Variants in PPM1B observed in about 807,000 individuals in gnomAD.
PPM1B encodes protein phosphatase, Mg2+/Mn2+ dependent 1B.
A neutral mutation model predicts 43.0 loss-of-function variants in PPM1B; 22 were observed. That is an observed-to-expected ratio of 0.51 (90% CI 0.37 to 0.73). The LOEUF is 0.73. Ranked by LOEUF, PPM1B falls within the 30% of genes least tolerant of loss-of-function variation. The pLI is 0.00. For missense variants in PPM1B, 632 were observed against 584.2 expected, an observed-to-expected ratio of 1.08 and a Z score of -0.84; for synonymous variants, 217 against 197.9, an observed-to-expected ratio of 1.10 and a Z score of -0.81.
chr2:44,241,581 A>C (rs1256527789), intron 5 of PPM1B, among the ~76,000 whole-genome samples: 1 of 141,324 alleles, frequency 7.1e-6, no homozygotes, highest in African/African-American at 2.5e-5. Flanking sequence ...AAAATACAAA[A>C]ATTAGCCAGG....
downstream of PPM1B, among the ~76,000 whole-genome samples, chr2:44,244,836 T>TAC (rs1670826749): frequency 6.8e-6 from 1 of 147,428 alleles, no homozygotes; most frequent in African/African-American, 2.5e-5. Context: ...TATATATATA[T>TAC]ATACACACAC....
intron 5 of PPM1B, among the ~76,000 whole-genome samples, chr2:44,222,625 C>G (rs1252670677): frequency 2.0e-5 from 3 of 152,104 alleles, no homozygotes; most frequent in African/African-American, 7.2e-5. Context: ...ATGAGACTTA[C>G]AGAGATGAGG....
At chr2:44,182,725 G>C (rs539809110) in intron 1 of PPM1B, among the ~76,000 whole-genome samples, 1 of 152,030 alleles carries the variant, frequency 6.6e-6, no homozygotes, top group South Asian at 2.1e-4. Flanking sequence ...TGCTTTCTTT[G>C]ACTCTAGGGG....
At position 44,200,994 on chromosome 2, in the gene PPM1B, C is replaced by T. The variant is rs563917571; in HGVS notation, c.-14-192C>T. Among the ~76,000 whole-genome samples, 10 of 152,216 alleles carry T rather than the reference C, an allele frequency of 6.6e-5. No individual in the cohort carries two copies. The East Asian group carries it at 1.2e-3, about 18-fold the overall frequency. ...TTTAATTGGTCTGATTATTCTTACG[C>T]GCTAGGGCTGAGAAACCACTGTTCT... On this transcript the variant is annotated intron_variant, in intron 1 of 5. Coordinates refer to ENST00000282412, the MANE Select transcript of PPM1B (RefSeq NM_002706.6).
chr2:44,195,014 C>T (rs1268315379), intron 1 of PPM1B, among the ~76,000 whole-genome samples: 1 of 151,258 alleles, frequency 6.6e-6, no homozygotes, highest in Non-Finnish European at 1.5e-5. Context: ...GCTTCAGCCT[C>T]CTAAGTAGCT....
intron 1 of PPM1B, among the ~76,000 whole-genome samples, chr2:44,174,317 TA>T (rs1667482018): frequency 6.6e-6 from 1 of 152,220 alleles, no homozygotes; most frequent in Admixed American, 6.5e-5. Flanking sequence ...ATCTCATACT[TA>T]GAGGAGACAG....
chr2:44,191,029 C>G (rs1018996692), intron 1 of PPM1B, among the ~76,000 whole-genome samples: 1 of 152,148 alleles, frequency 6.6e-6, no homozygotes, highest in Non-Finnish European at 1.5e-5. Context: ...CTGTTTGCTT[C>G]AAATTGATCT....
chr2:44,201,248 G>A lies in PPM1B; in HGVS notation c.49G>A (p.Gly17Ser). 1.2e-6 allele frequency: 2 copies of A among 1,611,546 alleles called. No homozygotes were observed. Among genetic ancestry groups the A allele is most frequent in the Non-Finnish European group, 1.7e-6 (2 of 1,178,586 alleles). Residue 17 changes from glycine to serine, a missense_variant, in exon 2 of 6, where the codon GGT becomes AGT. Physicochemically the swap from Gly to Ser is moderately conservative, Grantham distance 56. Coordinates refer to ENST00000282412, the MANE Select transcript of PPM1B (RefSeq NM_002706.6). This position sits in a 1 kb window ranked among gnomAD's most constrained non-coding sequence, Gnocchi z 5.4. ...CAAAACTGAAAAACATAATGCTCAT[G>A]GTGCTGGGAATGGTTTACGTTATGG... ...KPKTEKHNAH[G>S]AGNGLRYGLS...
At chr2:44,193,740 G>A (rs151176299) in intron 1 of PPM1B, among the ~76,000 whole-genome samples, 1,767 of 151,964 alleles carry the variant, frequency 0.012, 25 homozygotes, top group African/African-American at 0.041. Flanking sequence ...CACCATGCCC[G>A]GCTAATTTTT....
intron 3 of PPM1B, chr2:44,217,726 A>G (rs1241667314): frequency 3.9e-6 from 1 of 259,264 alleles, no homozygotes; most frequent in African/African-American, 2.2e-5. Context: ...GCTTTTTATG[A>G]ATAATGCTGG....
intron 5 of PPM1B, among the ~76,000 whole-genome samples, chr2:44,222,266 T>G (rs1319022430): frequency 1.3e-5 from 2 of 152,158 alleles, no homozygotes; most frequent in Non-Finnish European, 2.9e-5. Context: ...GAAAGCTCAG[T>G]AAATATTTTT....
At chr2:44,244,270 T>C (rs12613956) in exon 6 of PPM1B, 3 of 1,359,628 alleles carry the variant, frequency 2.2e-6, no homozygotes, top group African/African-American at 3.0e-5. Flanking sequence ...TGCTGAGAGC[T>C]CTGGTGACAA....
chr2:44,218,686 T>TA, intron 5 of PPM1B, 149 bp downstream of exon 5: 1 of 616,778 alleles, frequency 1.6e-6, no homozygotes, highest in Non-Finnish European at 2.8e-6. Flanking sequence ...AGTTAAAGTT[T>TA]AAGAAAATGT....
intron 1 of PPM1B, among the ~76,000 whole-genome samples, chr2:44,195,144 C>T (rs935830983): frequency 6.6e-5 from 10 of 151,778 alleles, no homozygotes; most frequent in African/African-American, 1.9e-4. Flanking sequence ...CTGCCCGTCT[C>T]GGCCTCCCAA....
In PPM1B at chr2:44,240,880, T is replaced by C. The variant is rs1378567182; in HGVS notation, n.1547-3348T>C. Among the ~76,000 whole-genome samples, 3 of 146,412 alleles carry C rather than the reference T, an allele frequency of 2.0e-5. 1 individual carries two copies. The highest frequency in any genetic ancestry group is 7.3e-5 in the African/African-American group (3 of 40,868). ...CGCAGTGAGCTGTCTCTTAATACTTTGAAAACATGATGCTGAGAGAAAGCA... is the reference window on the plus strand; with the variant it reads ...CGCAGTGAGCTGTCTCTTAATACTTCGAAAACATGATGCTGAGAGAAAGCA... On this transcript the variant is annotated intron_variant and non_coding_transcript_variant, in intron 5 of 5. Transcript: ENST00000378540.
chr2:44,209,024 T>C (rs980811344), intron 2 of PPM1B, among the ~76,000 whole-genome samples, 186 bp from the exon 3 acceptor site: 7 of 152,232 alleles, frequency 4.6e-5, no homozygotes, highest in African/African-American at 1.7e-4. Context: ...CTTACAGATA[T>C]ACCCATACCT....
Position 44,216,837 on chromosome 2 carries a change from A to G in PPM1B, c.965-1130A>G, listed in dbSNP as rs147651090. ...CTACTTGGGAGGCTGAGGCAGGAGA[A>G]TCGCTTGAACCAGGGAGTCAGAGGT... On this transcript the variant is annotated intron_variant, in intron 3 of 5. Transcript: ENST00000282412. 7.4e-3 allele frequency among the ~76,000 whole-genome samples: 1,124 copies of G among 151,190 alleles called. 10 individuals carry two copies. The highest frequency in any genetic ancestry group is 0.026 in the African/African-American group (1,062 of 41,150).
At chr2:44,171,790 A>C (rs1277225395) in intron 1 of PPM1B, among the ~76,000 whole-genome samples, 1 of 148,610 alleles carries the variant, frequency 6.7e-6, no homozygotes, top group Non-Finnish European at 1.5e-5. Flanking sequence ...AGATTGTGCC[A>C]CTGCACTCTA....
At chr2:44,194,729 AAG>A (rs1419401658) in intron 1 of PPM1B, among the ~76,000 whole-genome samples, 1 of 151,202 alleles carries the variant, frequency 6.6e-6, no homozygotes, top group African/African-American at 2.4e-5. Flanking sequence ...TCTCAAAAAA[AAG>A]AAGAAGGCTG....
Sources: allele counts gnomAD v4.1 joint callset (sites outside exome capture counted in the v4.1 genomes callset), GRCh38; gene constraint gnomAD v4.1.1; non-coding constraint Gnocchi (gnomAD v3.1); transcripts MANE v1.5; gene names NCBI Gene and HGNC (gene_info 2026-07-23, HGNC 2026-07-21).